Variants in EEF1E1 observed in about 807,000 individuals in gnomAD.
EEF1E1 encodes eukaryotic translation elongation factor 1 epsilon 1.
In EEF1E1, 19 loss-of-function variants were observed where a neutral mutation model predicts 19.9. That is an observed-to-expected ratio of 0.95 (90% CI 0.66 to 1.40). The LOEUF is 1.40. EEF1E1 is among the 40% of genes most tolerant of loss of function. EEF1E1 has a pLI of 0.00. For missense variants in EEF1E1, 198 were observed against 202.2 expected (o/e 0.98, Z 0.13); for synonymous variants, 81 against 80.0 (o/e 1.01, Z -0.07).
rs1352505585 is a variant in EEF1E1 at position 8,102,417 on chromosome 6, G to A, written c.87+18C>T. On this transcript the variant is annotated intron_variant, in intron 1 of 3. Transcript: ENST00000379715. The stretch of plus-strand genomic sequence containing the variant: ...CTCCCGTCCACCTCTTCCCCTCCGC[G>A]CCGCCTCTCCTTCTCACCTGTCGCT... 1.9e-6 allele frequency: 3 copies of A among 1,604,704 alleles called. No individual in the cohort carries two copies. The highest frequency in any genetic ancestry group is 2.3e-5 in the East Asian group (1 of 44,130).
At position 8,097,316 on chromosome 6, in the gene EEF1E1, G is replaced by A. The variant is rs1758202261; in HGVS notation, c.239C>T (p.Thr80Ile). 2 of 1,614,048 alleles carry A rather than the reference G, an allele frequency of 1.2e-6. No homozygotes were observed. Among genetic ancestry groups the A allele is most frequent in the Non-Finnish European group, 1.7e-6 (2 of 1,180,042 alleles). Reference protein sequence around the residue: ...IVQQWLEYRVTQVDGHSSKND... With the variant: ...IVQQWLEYRVIQVDGHSSKND... Reference sequence around the variant, plus strand: ...TTTACTGGAGTGCCCATCTACTTGAGTGACCCTGTATTCTAACCACTGCTG... The same window carrying A: ...TTTACTGGAGTGCCCATCTACTTGAATGACCCTGTATTCTAACCACTGCTG... Residue 80 changes from threonine (T) to isoleucine (I), a missense_variant, in exon 2 of 4, where the codon ACT becomes ATT. Coordinates refer to ENST00000379715, the MANE Select transcript of EEF1E1 (RefSeq NM_004280.5).
chr6:8,097,334 C>T lies in EEF1E1; in HGVS notation c.221G>A (p.Trp74Ter), dbSNP rs1017538239. Reference sequence around the variant, plus strand: ...TACTTGAGTGACCCTGTATTCTAACCACTGCTGAACGATTGCTTTTTCTTC... The same window carrying T: ...TACTTGAGTGACCCTGTATTCTAACTACTGCTGAACGATTGCTTTTTCTTC... Reference protein sequence around the residue: ...TAEEKAIVQQWLEYRVTQVDG... With the variant: ...TAEEKAIVQQ Residue 74 changes from tryptophan (W) to a stop codon, truncating the protein, a stop_gained, in exon 2 of 4, where the codon TGG becomes TAG. Coordinates refer to ENST00000379715, the MANE Select transcript of EEF1E1 (RefSeq NM_004280.5). LOFTEE classifies it high-confidence loss of function. 1.2e-6 allele frequency: 2 copies of T among 1,614,160 alleles called. No homozygotes were observed. The highest frequency in any genetic ancestry group is 1.1e-5 in the South Asian group (1 of 91,078).
At chr6:8,076,597 A>C (rs1231765602), downstream of EEF1E1, among the ~76,000 whole-genome samples, 1 of 152,174 alleles carries the variant, frequency 6.6e-6, no homozygotes. Flanking sequence ...TGCTGGGATT[A>C]CAGGCATGAG....
chr6:8,087,050 G>C (rs1339714981), intron 3 of EEF1E1, among the ~76,000 whole-genome samples: 1 of 152,176 alleles, frequency 6.6e-6, no homozygotes, highest in East Asian at 1.9e-4. Flanking sequence ...GGAACCGAGA[G>C]ATACTTGGGA....
chr6:8,095,593 C>A (rs1302131256), intron 2 of EEF1E1: 3 of 151,366 alleles, frequency 2.0e-5, no homozygotes, highest in South Asian at 3.1e-4. Flanking sequence ...TACATGCACA[C>A]ATATATACAA....
chr6:8,083,666 G>T (rs17606242), intron 3 of EEF1E1, among the ~76,000 whole-genome samples: 1 of 152,182 alleles, frequency 6.6e-6, no homozygotes, highest in Admixed American at 6.5e-5. Flanking sequence ...ACAAAATACA[G>T]TGGAATTATC....
At chr6:8,080,735 G>GA (rs1757703435) in intron 3 of EEF1E1, among the ~76,000 whole-genome samples, 1 of 152,230 alleles carries the variant, frequency 6.6e-6, no homozygotes, top group South Asian at 2.1e-4. Flanking sequence ...CAGGTAAAGA[G>GA]AAAACCAGTA....
At chr6:8,087,404 G>A (rs1344329205) in intron 3 of EEF1E1, among the ~76,000 whole-genome samples, 1 of 152,240 alleles carries the variant, frequency 6.6e-6, no homozygotes, top group Non-Finnish European at 1.5e-5. Context: ...TTTTACTAGA[G>A]ATGGGGTTTC....
At chr6:8,097,856 C>A (rs902445984) in intron 1 of EEF1E1, among the ~76,000 whole-genome samples, 4 of 152,154 alleles carry the variant, frequency 2.6e-5, no homozygotes, top group African/African-American at 9.7e-5. Context: ...AACCTGACTT[C>A]ATGTTTCCCC....
At position 8,079,955 on chromosome 6, in the gene EEF1E1, C is replaced by T. The variant is rs760445780; in HGVS notation, c.460G>A (p.Gly154Ser). The change falls in exon 4 of 4, where the codon GGC (glycine) becomes AGC (serine). Residue 154 changes from glycine to serine, a missense_variant. By Grantham distance (56) the Gly-to-Ser change is moderately conservative (BLOSUM62 0). Coordinates refer to ENST00000379715, the MANE Select transcript of EEF1E1 (RefSeq NM_004280.5). ...ACACTAGACAGATGTTGCCTGATGC[C>T]TGGATAATGCTGAATGTGACAAAAC... ...RWFCHIQHYP[G>S]IRQHLSSVVF... 1 of 1,613,376 alleles carries T rather than the reference C, an allele frequency of 6.2e-7. No homozygotes were observed. Among genetic ancestry groups the T allele is most frequent in the African/African-American group, 1.3e-5 (1 of 74,866 alleles).
chr6:8,095,806 A>ACAAAT (rs2113662593), intron 2 of EEF1E1, among the ~76,000 whole-genome samples: 1 of 152,302 alleles, frequency 6.6e-6, no homozygotes, highest in East Asian at 1.9e-4. Context: ...GCAAAACAAA[A>ACAAAT]CAAATCAACC....
intron 1 of EEF1E1, chr6:8,102,200 G>A: frequency 1.4e-6 from 1 of 717,288 alleles, no homozygotes; most frequent in Non-Finnish European, 1.7e-6. Context: ...CAATTTCCCA[G>A]GAGGTGAAGT....
intron 2 of EEF1E1, among the ~76,000 whole-genome samples, chr6:8,094,269 T>G (rs1338195746): frequency 6.6e-6 from 1 of 152,104 alleles, no homozygotes; most frequent in Non-Finnish European, 1.5e-5. Flanking sequence ...TAAAAATATA[T>G]AGCTTTTAGC....
At chr6:8,084,655 A>G (rs2113642490) in intron 3 of EEF1E1, among the ~76,000 whole-genome samples, 1 of 152,312 alleles carries the variant, frequency 6.6e-6, no homozygotes, top group South Asian at 2.1e-4. Context: ...GACTGATGAT[A>G]TTTTTCCTAA....
At chr6:8,089,511 C>G (rs139297545) in intron 3 of EEF1E1, among the ~76,000 whole-genome samples, 5 of 152,152 alleles carry the variant, frequency 3.3e-5, no homozygotes, top group Non-Finnish European at 7.3e-5. Flanking sequence ...GGGAGAAAGA[C>G]GTAGGCTGGG....
chr6:8,074,964 C>T (rs371576582), downstream of EEF1E1, among the ~76,000 whole-genome samples: 3 of 152,164 alleles, frequency 2.0e-5, no homozygotes, highest in Non-Finnish European at 4.4e-5. Flanking sequence ...TCTGGCCTCC[C>T]GCTCTTTCCT....
Position 8,079,848 on chromosome 6 carries a change from T to G in EEF1E1, c.*42A>C, listed in dbSNP as rs940429890. 6.3e-7 allele frequency: 1 copy of G among 1,585,834 alleles called. No individual in the cohort carries two copies. The highest frequency in any genetic ancestry group is 8.6e-7 in the Non-Finnish European group (1 of 1,163,798). ...TGTGGTCTAGAGTACATTTTCCATT[T>G]AAAACATTTTTAATAGATCTTCTGT... On this transcript the variant is annotated 3_prime_UTR_variant, in exon 4 of 4. Transcript: ENST00000379715.
In EEF1E1 at chr6:8,101,858, C is replaced by T. The variant is rs749991944; in HGVS notation, c.87+577G>A. On this transcript the variant is annotated intron_variant, in intron 1 of 3. Transcript: ENST00000379715. The stretch of plus-strand genomic sequence containing the variant: ...CCTTCCCCGAATCCCCTAGATTGGG[C>T]CAAGACTCCTTAGGTGTTCTCTCTG... The T allele has an allele frequency of 4.8e-5, 61 of 1,281,462 alleles. 2 individuals are homozygous for T. The South Asian group carries it at 7.2e-4, about 15-fold the overall frequency. 79.4% of individuals were successfully genotyped at this position (1,281,462 alleles called of 1,614,324 possible). A position where few individuals can be genotyped will look rare whatever the true frequency, so the allele number is the denominator to read the frequency against.
chr6:8,097,464 G>T lies in EEF1E1; in HGVS notation c.91C>A (p.Pro31Thr). 3 of 1,610,026 alleles carry T rather than the reference G, an allele frequency of 1.9e-6. No individual in the cohort carries two copies. Among genetic ancestry groups the T allele is most frequent in the Non-Finnish European group, 2.5e-6 (3 of 1,178,248 alleles). The change falls in exon 2 of 4, where the codon CCA (proline) becomes ACA (threonine). Residue 31 changes from proline to threonine, a missense_variant. Pro to Thr is a conservative substitution (Grantham distance 38, BLOSUM62 -1). Transcript: ENST00000379715. ...GGACCATTGTTTGTCTGAAGAACTG[G>T]AATCTTAAAAAGAAAAAAAAGTTCA... The part of the protein sequence containing the change: ...KYSAQGERQI[P>T]VLQTNNGPSL...
Sources: allele counts gnomAD v4.1 joint callset (sites outside exome capture counted in the v4.1 genomes callset), GRCh38; gene constraint gnomAD v4.1.1; transcripts MANE v1.5; gene names NCBI Gene and HGNC (gene_info 2026-07-23, HGNC 2026-07-21).